The following CIC variants were observed in gnomAD, a reference collection of about 807,000 sequenced individuals.
CIC encodes capicua transcriptional repressor.
In CIC, 18 loss-of-function variants were observed where a neutral mutation model predicts 115.7. The observed-to-expected ratio is 0.16, with a 90% confidence interval of 0.11 to 0.23. The LOEUF is 0.23. CIC is among the 10% of genes least tolerant of loss of function. CIC has a pLI of 1.00. For missense variants in CIC, 2,000 were observed against 2,159.3 expected, an observed-to-expected ratio of 0.93 and a Z score of 1.46; for synonymous variants, 1,076 against 923.0, an observed-to-expected ratio of 1.17 and a Z score of -3.01.
chr19:42,270,677 C>T lies in CIC; in HGVS notation c.-10-1097C>T, dbSNP rs1355587972. Among the ~76,000 whole-genome samples, 1 of 152,012 alleles carries T rather than the reference C, an allele frequency of 6.6e-6. No individual in the cohort carries two copies. Among genetic ancestry groups the T allele is most frequent in the African/African-American group, 2.4e-5 (1 of 41,390 alleles). On this transcript the variant is annotated intron_variant, in intron 1 of 20. Transcript: ENST00000681038. This position sits in a 1 kb window ranked among gnomAD's most constrained non-coding sequence, Gnocchi z 4.1. ...GACTCAGCCACCCTGCCAGAGCCAG[C>T]CCAGCCAGGGCGGGGATGCATGCAG...
chr19:42,289,795 T>C, intron 9 of CIC, 53 bp from the exon 10 acceptor site: 1 of 1,422,898 alleles, frequency 7.0e-7, no homozygotes, highest in South Asian at 1.2e-5. Context: ...CTGTTTCTCC[T>C]GGGTCCCCCT....
chr19:42,279,714 G>A (rs956694176), intron 2 of CIC, among the ~76,000 whole-genome samples: 1 of 152,218 alleles, frequency 6.6e-6, no homozygotes, highest in African/African-American at 2.4e-5. Context: ...AAAGAGTCAA[G>A]AAGGCATTTA....
chr19:42,275,036 T>A (rs1341476901), intron 2 of CIC, among the ~76,000 whole-genome samples: 2 of 152,254 alleles, frequency 1.3e-5, no homozygotes, highest in African/African-American at 4.8e-5. Context: ...TAGCTCATTT[T>A]ATCTTCACAA....
rs1471056516 is a variant in CIC at position 42,273,407 on chromosome 19, G to A, written c.1624G>A (p.Gly542Arg). ...MEGLADSGPGGAGRPAAVAAR... is the reference protein window; with the variant it reads ...MEGLADSGPGRAGRPAAVAAR... Reference sequence around the variant, plus strand: ...AGGCCTGGCAGACAGTGGGCCTGGCGGGGCGGGCCGGCCCGCGGCCGTGGC... The same window carrying A: ...AGGCCTGGCAGACAGTGGGCCTGGCAGGGCGGGCCGGCCCGCGGCCGTGGC... The change falls in exon 2 of 21, where the codon GGG (glycine) becomes AGG (arginine). Residue 542 changes from glycine to arginine, a missense_variant. Around this residue, in one of 8 missense-constraint regions of CIC, gnomAD observed 222 missense variants for 247.7 expected, o/e 0.90. Transcript: ENST00000681038. The A allele has an allele frequency of 1.5e-5, 6 of 398,240 alleles. No individual in the cohort carries two copies. Among genetic ancestry groups the A allele is most frequent in the Non-Finnish European group, 2.7e-5 (6 of 225,906 alleles). The allele number at this position is 398,240 out of a possible 1,614,324, so 24.7% of individuals were successfully genotyped here.
Position 42,293,054 on chromosome 19 carries a change from G to C in CIC, c.6295G>C (p.Gly2099Arg), listed in dbSNP as rs750040712. 21 of 1,612,686 alleles carry C rather than the reference G, an allele frequency of 1.3e-5. No homozygotes were observed. Among genetic ancestry groups the C allele is most frequent in the Admixed American group, 1.7e-5 (1 of 59,966 alleles). The change falls in exon 16 of 21, where the codon GGG (glycine) becomes CGG (arginine). Residue 2099 changes from glycine (G) to arginine (R), a missense_variant. Around this residue, in one of 8 missense-constraint regions of CIC, gnomAD observed 1,466 missense variants for 1,390.4 expected, o/e 1.05. Transcript: ENST00000681038. The part of the protein sequence containing the change: ...VKAAIASIPV[G>R]SFEAGASGRP... ...GGCAGCCATCGCCAGCATTCCCGTG[G>C]GGTCCTTTGAGGCAGGTGCCTCTGG...
intron 2 of CIC, among the ~76,000 whole-genome samples, chr19:42,279,693 C>T (rs2037133089): frequency 6.6e-6 from 1 of 152,090 alleles, no homozygotes; most frequent in East Asian, 1.9e-4. Context: ...TGGGGCTCTA[C>T]GCGGGCCAGT....
chr19:42,286,829 C>T lies in CIC; in HGVS notation c.2853C>T (p.Pro951=), dbSNP rs376184932. 6.2e-7 allele frequency: 1 copy of T among 1,613,998 alleles called. No individual in the cohort carries two copies. The change falls in exon 3 of 21, where the codon CCC becomes CCT. Residue 951 remains proline, a synonymous_variant. Coordinates refer to ENST00000681038, the MANE Select transcript of CIC (RefSeq NM_001386298.1). ...TGTTCCCTTGGCACTCCTTAGTCCC[C>T]TTCCTGGCACCCAGCCAGCCTGACC... ...VAVFPWHSLV[P]FLAPSQPDPS...
chr19:42,271,727 A>G (rs2147004329), intron 1 of CIC, 47 bp from the exon 2 acceptor site: 1 of 398,518 alleles, frequency 2.5e-6, no homozygotes, highest in Non-Finnish European at 4.4e-6. Flanking sequence ...GGCTCTGGAG[A>G]GGTTCCTGAG....
At position 42,294,862 on chromosome 19, in the gene CIC, A is replaced by G; in HGVS notation, c.7225A>G (p.Ile2409Val). The G allele has an allele frequency of 6.2e-7, 1 of 1,600,902 alleles. No individual in the cohort carries two copies. Among genetic ancestry groups the G allele is most frequent in the Non-Finnish European group, 8.5e-7 (1 of 1,179,912 alleles). Residue 2409 changes from isoleucine to valine, a missense_variant, in exon 21 of 21, where the codon ATC (isoleucine) becomes GTC (valine). This residue lies in a region of CIC where 17 missense variants were observed against 17.8 expected (regional missense o/e 0.95). Coordinates refer to ENST00000681038, the MANE Select transcript of CIC (RefSeq NM_001386298.1). Reference sequence around the variant, plus strand: ...CGCCTTCCAGGCCCGCTATGCAGACATCTTTCCCTCCAAGGTTTGTCTGCA... The same window carrying G: ...CGCCTTCCAGGCCCGCTATGCAGACGTCTTTCCCTCCAAGGTTTGTCTGCA... ...TAAFQARYAD[I>V]FPSKVCLQLK...
At chr19:42,281,737 C>T (rs2037264999) in intron 2 of CIC, among the ~76,000 whole-genome samples, 1 of 152,190 alleles carries the variant, frequency 6.6e-6, no homozygotes, top group Non-Finnish European at 1.5e-5. Context: ...TCCCGCCCCT[C>T]CCTGCCAGGC....
chr19:42,278,851 T>G (rs2037095790), intron 2 of CIC, among the ~76,000 whole-genome samples: 1 of 152,194 alleles, frequency 6.6e-6, no homozygotes, highest in African/African-American at 2.4e-5. Context: ...TGCTGAGAAG[T>G]GCTGAGATCC....
At position 42,273,822 on chromosome 19, in the gene CIC, C is replaced by T; in HGVS notation, c.2039C>T (p.Pro680Leu). The stretch of plus-strand genomic sequence containing the variant: ...GTGCTGACGCCACCAGACCTGGGCC[C>T]CCACCCACCGCCACCTGCCCCCCGA... ...AGVLTPPDLG[P>L]HPPPPAPRER... The change falls in exon 2 of 21, where the codon CCC becomes CTC. Residue 680 changes from proline to leucine, a missense_variant. Physicochemically the swap from Pro to Leu is moderately conservative, Grantham distance 98 (BLOSUM62 -3). Transcript: ENST00000681038. The T allele has an allele frequency of 2.5e-6, 1 of 398,850 alleles. No individual in the cohort carries two copies. The highest frequency in any genetic ancestry group is 4.4e-6 in the Non-Finnish European group (1 of 226,252). The allele number at this position is 398,850 out of a possible 1,614,324, so 24.7% of individuals were successfully genotyped here. A position where few individuals can be genotyped will look rare whatever the true frequency, so the allele number is the denominator to read the frequency against.
At chr19:42,281,719 G>A (rs1451007448) in intron 2 of CIC, among the ~76,000 whole-genome samples, 1 of 144,738 alleles carries the variant, frequency 6.9e-6, no homozygotes, top group African/African-American at 2.5e-5. Context: ...GGCCCTTCCC[G>A]CCCGGATTCC....
In CIC at chr19:42,280,553, C is replaced by T. The variant is rs2147084597; in HGVS notation, c.2794+5976C>T. Among the ~76,000 whole-genome samples, 1 of 152,324 alleles carries T rather than the reference C, an allele frequency of 6.6e-6. No individual in the cohort carries two copies. Among genetic ancestry groups the T allele is most frequent in the East Asian group, 1.9e-4 (1 of 5,172 alleles). ...TGCTTCTCCGCCCCTGAGCGATTAA[C>T]CCCTGCGCTGCCGCGTCCTCGGGCT... On this transcript the variant is annotated intron_variant, in intron 2 of 20. Coordinates refer to ENST00000681038, the MANE Select transcript of CIC (RefSeq NM_001386298.1). This position sits in a 1 kb window ranked among gnomAD's most constrained non-coding sequence, Gnocchi z 4.9.
intron 7 of CIC, among the ~76,000 whole-genome samples, chr19:42,288,276 AG>A (rs1203138677): frequency 1.3e-5 from 2 of 152,186 alleles, no homozygotes; most frequent in African/African-American, 4.8e-5. Flanking sequence ...TTCTATTTCT[AG>A]AAGAAGAAAC....
Position 42,288,053 on chromosome 19 carries a change from C to T in CIC, c.3658+78C>T, listed in dbSNP as rs1443425070. On this transcript the variant is annotated intron_variant, in intron 7 of 20. Transcript: ENST00000681038. ...CCAGCTACCCCCTTGCTTGCTCCTC[C>T]CCTGCCCCAGCAGCTCCTCTCTGCT... 5 of 1,496,438 alleles carry T rather than the reference C, an allele frequency of 3.3e-6. No individual in the cohort carries two copies. In the South Asian group the frequency reaches 4.8e-5, roughly 15 times the overall value. 92.7% of individuals were successfully genotyped at this position (1,496,438 alleles called of 1,614,324 possible). A position where few individuals can be genotyped will look rare whatever the true frequency, so the allele number is the denominator to read the frequency against.
Position 42,271,894 on chromosome 19 carries a change from T to C in CIC, c.111T>C (p.Gly37=). Residue 37 remains glycine (G), a synonymous_variant, in exon 2 of 21, where the codon GGT becomes GGC. Coordinates refer to ENST00000681038, the MANE Select transcript of CIC (RefSeq NM_001386298.1). The part of the protein sequence containing the change: ...KALRRRGAGE[G]DKPEEEDDEA... ...TGAGGCGGCGAGGGGCTGGGGAGGG[T>C]GACAAGCCAGAGGAGGAGGATGACG... 2.5e-6 allele frequency: 1 copy of C among 397,512 alleles called. No individual in the cohort carries two copies. The highest frequency in any genetic ancestry group is 4.4e-6 in the Non-Finnish European group (1 of 225,952). The allele number at this position is 397,512 out of a possible 1,614,324, so 24.6% of individuals were successfully genotyped here.
rs1391285959 is a variant in CIC at position 42,280,710 on chromosome 19, C to T, written c.2795-6061C>T. Among the ~76,000 whole-genome samples the T allele has an allele frequency of 6.6e-6, 1 of 152,086 alleles. No individual in the cohort carries two copies. Among genetic ancestry groups the T allele is most frequent in the Non-Finnish European group, 1.5e-5 (1 of 67,988 alleles). On this transcript the variant is annotated intron_variant, in intron 2 of 20. Coordinates refer to ENST00000681038, the MANE Select transcript of CIC (RefSeq NM_001386298.1). The surrounding 1 kb of genome is among the most constrained non-coding windows in gnomAD (Gnocchi z 4.9). Reference sequence around the variant, plus strand: ...CCTGCACAAAGCGGCTTTGTGGAGCCTGCCGGGGGTTGGCTGGGGGCCAGG... The same window carrying T: ...CCTGCACAAAGCGGCTTTGTGGAGCTTGCCGGGGGTTGGCTGGGGGCCAGG...
intron 2 of CIC, among the ~76,000 whole-genome samples, chr19:42,286,225 C>CACACCACAGTTGTAAGAG (rs1403372855): frequency 2.3e-4 from 35 of 152,170 alleles, no homozygotes; most frequent in African/African-American, 8.4e-4. Flanking sequence ...GGACCTCTCC[C>CACACCACAGTTGTAAGAG]ACACCACAGT....
Sources: gnomAD v4.1 joint callset for allele counts (sites outside exome capture counted in the v4.1 genomes callset) on GRCh38, gnomAD v4.1.1 for gene constraint, gnomAD v4.1.1 regional missense constraint, Gnocchi (gnomAD v3.1) non-coding constraint, MANE v1.5 for transcripts, NCBI Gene and HGNC (gene_info 2026-07-23, HGNC 2026-07-21) for gene names.